The following TRNAU1AP variants were observed in gnomAD, a reference collection of about 807,000 sequenced individuals.
TRNAU1AP encodes the protein tRNA selenocysteine 1 associated protein 1.
TRNAU1AP carries 33 observed loss-of-function variants against 43.3 expected under a neutral mutation model. The ratio of observed to expected loss-of-function variants is 0.76; its 90% CI spans 0.58 to 1.02. The LOEUF is 1.02. Ranked by LOEUF, TRNAU1AP falls within the 50% of genes least tolerant of loss-of-function variation. TRNAU1AP has a pLI of 0.00. For missense variants in TRNAU1AP, 290 were observed against 362.7 expected, an observed-to-expected ratio of 0.80 and a Z score of 1.63; for synonymous variants, 143 against 129.1, an observed-to-expected ratio of 1.11 and a Z score of -0.73.
At chr1:28,577,394 G>A (rs1665814892) in intron 8 of TRNAU1AP, 106 bp from the exon 9 acceptor site, 1 of 1,282,850 alleles carries the variant, frequency 7.8e-7, no homozygotes. Context: ...GAAACTGGCA[G>A]GATAGGGACC....
chr1:28,576,040 G>C (rs1198552016), intron 8 of TRNAU1AP, among the ~76,000 whole-genome samples: 1 of 143,344 alleles, frequency 7.0e-6, no homozygotes, highest in Non-Finnish European at 1.5e-5. Context: ...TTTTGTATTT[G>C]AGTAGAGACA....
intron 4 of TRNAU1AP, among the ~76,000 whole-genome samples, chr1:28,563,254 T>C (rs373945586): frequency 6.6e-6 from 1 of 150,732 alleles, no homozygotes; most frequent in Admixed American, 6.6e-5. Flanking sequence ...TGAAATAAGA[T>C]AATAACAAAG....
chr1:28,575,925 A>G (rs541477287), intron 8 of TRNAU1AP, among the ~76,000 whole-genome samples: 1 of 136,574 alleles, frequency 7.3e-6, no homozygotes. Context: ...CAGTGGTGCC[A>G]TCTCTGTTCA....
chr1:28,573,491 T>G (rs796980728), intron 8 of TRNAU1AP, among the ~76,000 whole-genome samples: 3 of 150,652 alleles, frequency 2.0e-5, no homozygotes, highest in African/African-American at 7.3e-5. Flanking sequence ...ATAAAAAAAT[T>G]GCCAGGCGCG....
intron 1 of TRNAU1AP, 79 bp downstream of exon 1, chr1:28,553,216 G>A: frequency 7.2e-7 from 1 of 1,381,102 alleles, no homozygotes; most frequent in Non-Finnish European, 9.6e-7. Flanking sequence ...CTGAGTGGGA[G>A]GGGACTTGGG....
chr1:28,578,316 C>T lies in TRNAU1AP; in HGVS notation c.*680C>T, dbSNP rs964263685. 1 of 172,114 alleles carries T rather than the reference C, an allele frequency of 5.8e-6. No individual in the cohort carries two copies. The highest frequency in any genetic ancestry group is 5.6e-5 in the Admixed American group (1 of 17,838). The allele number at this position is 172,114 out of a possible 1,614,324, so 10.7% of individuals were successfully genotyped here. On this transcript the variant is annotated 3_prime_UTR_variant, in exon 9 of 9. Transcript: ENST00000373830. Reference sequence around the variant, plus strand: ...AGCCAAAGCAGACCCTCCGTGTGAACTTTATACTGCTCACTTCCGTGTTTC... The same window carrying T: ...AGCCAAAGCAGACCCTCCGTGTGAATTTTATACTGCTCACTTCCGTGTTTC...
chr1:28,557,581 G>GTGTTT (rs942434825), intron 2 of TRNAU1AP, among the ~76,000 whole-genome samples: 43 of 147,124 alleles, frequency 2.9e-4, no homozygotes, highest in African/African-American at 8.8e-4. Flanking sequence ...TATAATCTTG[G>GTGTTT]TGTTTTGTTT....
intron 4 of TRNAU1AP, 27 bp from the exon 5 acceptor site, chr1:28,564,676 C>G: frequency 6.2e-7 from 1 of 1,601,136 alleles, no homozygotes; most frequent in Non-Finnish European, 8.5e-7. Flanking sequence ...GTCTTTGCCT[C>G]TGAATCTTCT....
In TRNAU1AP at chr1:28,560,622, T is replaced by C; in HGVS notation, c.126-11T>C. ...TTAACCATTTTCTTTCTCTATTTGC[T>C]TTTTTTCCAGGATCCCAGCTGGCTA... On this transcript the variant is annotated splice_polypyrimidine_tract_variant and intron_variant, in intron 2 of 8. Transcript: ENST00000373830. 1.2e-6 allele frequency: 2 copies of C among 1,603,364 alleles called. No homozygotes were observed. The highest frequency in any genetic ancestry group is 1.1e-5 in the South Asian group (1 of 90,526).
chr1:28,558,271 A>T (rs1482446005), intron 2 of TRNAU1AP, among the ~76,000 whole-genome samples: 1 of 141,322 alleles, frequency 7.1e-6, no homozygotes, highest in African/African-American at 2.7e-5. Flanking sequence ...GCTGGAGTGC[A>T]GTGGCGTGAT....
At chr1:28,566,787 AT>A in intron 5 of TRNAU1AP, among the ~76,000 whole-genome samples, 1 of 151,790 alleles carries the variant, frequency 6.6e-6, no homozygotes, top group Admixed American at 6.6e-5. Context: ...GAGAGAGAAA[AT>A]GCTCTGCGCA....
chr1:28,559,050 TTC>T (rs1665345447), intron 2 of TRNAU1AP, among the ~76,000 whole-genome samples: 1 of 152,008 alleles, frequency 6.6e-6, no homozygotes, highest in African/African-American at 2.4e-5. Flanking sequence ...CATTTGGTTC[TTC>T]TGAGTCTCTT....
chr1:28,566,776 A>AC (rs1665549938), intron 5 of TRNAU1AP, among the ~76,000 whole-genome samples: 1 of 146,432 alleles, frequency 6.8e-6, no homozygotes, highest in African/African-American at 2.7e-5. Context: ...AAAAAAAAAA[A>AC]GAGAGAGAAA....
chr1:28,567,559 G>A, intron 6 of TRNAU1AP, 146 bp downstream of exon 6: 1 of 967,492 alleles, frequency 1.0e-6, no homozygotes, highest in Non-Finnish European at 1.5e-6. Flanking sequence ...CCTGCTGTTT[G>A]CCAGGCTGTG....
At chr1:28,562,861 G>A (rs967690133) in intron 4 of TRNAU1AP, among the ~76,000 whole-genome samples, 31 of 147,546 alleles carry the variant, frequency 2.1e-4, no homozygotes, top group African/African-American at 7.0e-4. Context: ...GATTACAGGC[G>A]TGAGCCATCG....
intron 4 of TRNAU1AP, among the ~76,000 whole-genome samples, chr1:28,561,768 T>C (rs1041511443): frequency 6.6e-6 from 1 of 152,094 alleles, no homozygotes; most frequent in Non-Finnish European, 1.5e-5. Context: ...CAAAACCCTG[T>C]CTCTACAAAA....
intron 6 of TRNAU1AP, among the ~76,000 whole-genome samples, chr1:28,570,308 C>T (rs1665636146): frequency 6.6e-6 from 1 of 151,906 alleles, no homozygotes; most frequent in Non-Finnish European, 1.5e-5. Context: ...AGTCCAGTGG[C>T]ACAATCTAGG....
Position 28,560,665 on chromosome 1 carries a change from C to T in TRNAU1AP, c.158C>T (p.Ala53Val), listed in dbSNP as rs1665385848. The T allele has an allele frequency of 1.2e-6, 2 of 1,613,902 alleles. No homozygotes were observed. Among genetic ancestry groups the T allele is most frequent in the Non-Finnish European group, 1.7e-6 (2 of 1,179,984 alleles). Reference protein sequence around the residue: ...IPAGYCFVEFADLATAEKCLH... With the variant: ...IPAGYCFVEFVDLATAEKCLH... ...GCTGGCTACTGCTTTGTAGAATTTGCAGATTTGGCCACAGCTGAGAAGTGT... is the reference window on the plus strand; with the variant it reads ...GCTGGCTACTGCTTTGTAGAATTTGTAGATTTGGCCACAGCTGAGAAGTGT... The change falls in exon 3 of 9, where the codon GCA becomes GTA. Residue 53 changes from alanine (A) to valine (V), a missense_variant. By Grantham distance (64) the Ala-to-Val change is moderately conservative (BLOSUM62 0). This residue lies in a region of TRNAU1AP where 174 missense variants were observed against 262.1 expected (regional missense o/e 0.66). Coordinates refer to ENST00000373830, the MANE Select transcript of TRNAU1AP (RefSeq NM_017846.5).
intron 2 of TRNAU1AP, among the ~76,000 whole-genome samples, chr1:28,555,297 A>G (rs1665233923): frequency 6.6e-6 from 1 of 152,178 alleles, no homozygotes; most frequent in Non-Finnish European, 1.5e-5. Context: ...CCTGGCTGAA[A>G]TAATCCAGAT....
Sources: gnomAD v4.1 joint callset for allele counts (sites outside exome capture counted in the v4.1 genomes callset) on GRCh38, gnomAD v4.1.1 for gene constraint, gnomAD v4.1.1 regional missense constraint, MANE v1.5 for transcripts, NCBI Gene and HGNC (gene_info 2026-07-23, HGNC 2026-07-21) for gene names.